Variants in TRIP11 observed in about 807,000 individuals in gnomAD.
TRIP11 encodes the protein thyroid hormone receptor interactor 11, also known as thyroid receptor-interacting protein 11.
Under a neutral mutation model 223.1 loss-of-function variants are expected in TRIP11, and 148 were observed. That is an observed-to-expected ratio of 0.66 (90% CI 0.58 to 0.76). The LOEUF (loss-of-function observed/expected upper bound fraction) is 0.76. Among genes scored for constraint, TRIP11 ranks in the 30% least tolerant of loss-of-function variants. TRIP11 has a pLI of 0.00. For synonymous variants in TRIP11, 762 were observed against 772.6 expected (o/e 0.99, Z 0.23); for missense variants, 2,043 against 2,222.0 (o/e 0.92, Z 1.62).
chr14:92,005,416 T>A lies in TRIP11; in HGVS notation c.2560A>T (p.Ser854Cys). ...TTTTCCTCTTTCATGGATCCAAGAC[T>A]TCGGTCTTTTTCCTCTATGGTCTGT... ...LRQTIEEKDR[S>C]LGSMKEENNH... Residue 854 changes from serine (S) to cysteine (C), a missense_variant, in exon 11 of 21, where the codon AGT (serine) becomes TGT (cysteine). Physicochemically the swap from Ser to Cys is moderately radical, Grantham distance 112. Coordinates refer to ENST00000267622, the MANE Select transcript of TRIP11 (RefSeq NM_004239.4). 1 of 1,614,124 alleles carries A rather than the reference T, an allele frequency of 6.2e-7. No homozygotes were observed. Among genetic ancestry groups the A allele is most frequent in the Non-Finnish European group, 8.5e-7 (1 of 1,180,034 alleles).
Position 92,005,087 on chromosome 14 carries a change from C to T in TRIP11, c.2889G>A (p.Glu963=), listed in dbSNP as rs1337962621. ...TTGTTTTTTGCAAACTCTTAATTTC[C>T]TCATCCTTCTCTAAAAAGAGCTGGG... ...THTQLFLEKD[E]EIKSLQKTIE... The change falls in exon 11 of 21, where the codon GAG becomes GAA. Residue 963 remains glutamate (E), a synonymous_variant. Coordinates refer to ENST00000267622, the MANE Select transcript of TRIP11 (RefSeq NM_004239.4). 1.9e-6 allele frequency: 3 copies of T among 1,613,668 alleles called. No individual in the cohort carries two copies. The highest frequency in any genetic ancestry group is 1.1e-5 in the South Asian group (1 of 91,084).
Position 91,968,503 on chromosome 14 carries a change from G to C in TRIP11, c.*1170C>G, listed in dbSNP as rs148265064. 1 of 217,090 alleles carries C rather than the reference G, an allele frequency of 4.6e-6. No homozygotes were observed. Among genetic ancestry groups the C allele is most frequent in the African/African-American group, 2.2e-5 (1 of 44,494 alleles). 13.4% of individuals were successfully genotyped at this position (217,090 alleles called of 1,614,324 possible). A position where few individuals can be genotyped will look rare whatever the true frequency, so the allele number is the denominator to read the frequency against. ...ATGTCAACACCGCAGACGGAGGCAG[G>C]AAGTGGCATGTTCAGTGATTTTGCT... On this transcript the variant is annotated 3_prime_UTR_variant, in exon 21 of 21. Transcript: ENST00000267622.
intron 2 of TRIP11, among the ~76,000 whole-genome samples, chr14:92,029,738 C>T (rs764702511): frequency 6.6e-6 from 1 of 152,086 alleles, no homozygotes; most frequent in Non-Finnish European, 1.5e-5. Context: ...GAGAAGAAAA[C>T]TGACAAAGGA....
chr14:91,999,153 G>A, intron 13 of TRIP11, 87 bp downstream of exon 13: 1 of 1,407,080 alleles, frequency 7.1e-7, no homozygotes, highest in South Asian at 1.2e-5. Context: ...ATTTTGCAAG[G>A]ATGAGCTAAC....
Position 91,969,644 on chromosome 14 carries a change from T to C in TRIP11, c.*29A>G. ...TATAGTGTTCATGGTTTCTTTAAAGTGCTAGATTGTCTCTGGCTTGAGAAT... is the reference window on the plus strand; with the variant it reads ...TATAGTGTTCATGGTTTCTTTAAAGCGCTAGATTGTCTCTGGCTTGAGAAT... On this transcript the variant is annotated 3_prime_UTR_variant, in exon 21 of 21. Transcript: ENST00000267622. The C allele has an allele frequency of 6.2e-7, 1 of 1,606,184 alleles. No homozygotes were observed. Among genetic ancestry groups the C allele is most frequent in the South Asian group, 1.1e-5 (1 of 90,876 alleles).
At position 91,969,835 on chromosome 14, in the gene TRIP11, G is replaced by A; in HGVS notation, c.5778C>T (p.Arg1926=). The change falls in exon 21 of 21, where the codon CGC becomes CGT. Residue 1926 remains arginine (R), a synonymous_variant. Coordinates refer to ENST00000267622, the MANE Select transcript of TRIP11 (RefSeq NM_004239.4). The part of the protein sequence containing the change: ...RTDVNPFLAP[R]SAAVPLINPA... ...GGTTAATAAGAGGTACAGCTGCCGA[G>A]CGAGGAGCCAAAAACGGATTTACAT... 2 of 1,614,204 alleles carry A rather than the reference G, an allele frequency of 1.2e-6. No homozygotes were observed. Among genetic ancestry groups the A allele is most frequent in the Non-Finnish European group, 1.7e-6 (2 of 1,180,034 alleles).
rs780787325 is a variant in TRIP11, at chr14:92,025,382, C to G, written c.240G>C (p.Glu80Asp). The G allele has an allele frequency of 6.2e-7, 1 of 1,613,212 alleles. No individual in the cohort carries two copies. Among genetic ancestry groups the G allele is most frequent in the Non-Finnish European group, 8.5e-7 (1 of 1,179,894 alleles). Residue 80 changes from glutamate (E) to aspartate (D), a missense_variant, in exon 3 of 21, where the codon GAG becomes GAC. Coordinates refer to ENST00000267622, the MANE Select transcript of TRIP11 (RefSeq NM_004239.4). ...RLKKLCTDLE[E>D]KHEASEIQIK... is the part of the protein sequence containing the mutation. Reference sequence around the variant, plus strand: ...TTTGAATCTCTGATGCTTCATGTTTCTCTTCTAGATCAGTACAAAGTTTCT... The same window carrying G: ...TTTGAATCTCTGATGCTTCATGTTTGTCTTCTAGATCAGTACAAAGTTTCT...
At chr14:91,988,484 G>A in intron 15 of TRIP11, 101 bp from the exon 16 acceptor site, 3 of 1,008,996 alleles carry the variant, frequency 3.0e-6, no homozygotes, top group Non-Finnish European at 4.6e-6. Context: ...TTCAGCTGGT[G>A]AAGCTGCACC....
At chr14:92,016,028 C>T (rs529690813) in intron 5 of TRIP11, among the ~76,000 whole-genome samples, 167 bp from the exon 6 acceptor site, 17 of 152,338 alleles carry the variant, frequency 1.1e-4, no homozygotes, top group African/African-American at 3.1e-4. Context: ...TTCTGAACAA[C>T]TTCACCCTTT....
rs1404539160 is a variant in TRIP11 at position 91,975,455 on chromosome 14, C to CA, written c.5343-170dup. ...AAAAATCTTGACAAGTCTAATATTT[C>CA]AAAAAAAATAAAATAAAAAAGAATA... On this transcript the variant is annotated intron_variant, in intron 17 of 20. Coordinates refer to ENST00000267622, the MANE Select transcript of TRIP11 (RefSeq NM_004239.4). Among the ~76,000 whole-genome samples the CA allele has an allele frequency of 4.0e-5, 6 of 151,490 alleles. No homozygotes were observed. The East Asian group carries it at 5.8e-4, about 15-fold the overall frequency.
rs916457479 is a variant in TRIP11 at position 92,006,141 on chromosome 14, T to C, written c.1835A>G (p.His612Arg). 6.2e-6 allele frequency: 10 copies of C among 1,612,572 alleles called. No individual in the cohort carries two copies. The African/African-American group carries it at 1.2e-4, about 19-fold the overall frequency. ...AAGCTCCTCCTCATTTTGTCTAATA[T>C]GCTCCTTAAGTTCTAAATTCTCCTT... is the stretch of plus-strand genomic sequence containing the variant. ...IQKENLELKE[H>R]IRQNEEELSR... The change falls in exon 11 of 21, where the codon CAT (histidine) becomes CGT (arginine). Residue 612 changes from histidine to arginine, a missense_variant. His to Arg is a conservative substitution (Grantham distance 29). Coordinates refer to ENST00000267622, the MANE Select transcript of TRIP11 (RefSeq NM_004239.4).
At position 92,039,681 on chromosome 14, in the gene TRIP11, G is replaced by A; in HGVS notation, c.5C>T (p.Ser2Leu). The change falls in exon 1 of 21, where the codon TCG (serine) becomes TTG (leucine). Residue 2 changes from serine (S) to leucine (L), a missense_variant. Coordinates refer to ENST00000267622, the MANE Select transcript of TRIP11 (RefSeq NM_004239.4). ...GGAGCCGAGGCCCCCAAGCCAGGAC[G>A]ACATCGCGGCGAGTTTAGAGAACGA... MSSWLGGLGSGL... is the reference protein window; with the variant it reads MLSWLGGLGSGL... 1 of 1,612,008 alleles carries A rather than the reference G, an allele frequency of 6.2e-7. No homozygotes were observed. Among genetic ancestry groups the A allele is most frequent in the Non-Finnish European group, 8.5e-7 (1 of 1,179,138 alleles).
Position 91,969,819 on chromosome 14 carries a change from G to A in TRIP11, c.5794C>T (p.Leu1932Phe). ...FLAPRSAAVP[L>F]INPAGLGPGG... ...GGTCCAAGTCCAGCTGGGTTAATAA[G>A]AGGTACAGCTGCCGAGCGAGGAGCC... Residue 1932 changes from leucine to phenylalanine, a missense_variant, in exon 21 of 21, where the codon CTT becomes TTT. By Grantham distance (22) the Leu-to-Phe change is conservative. Coordinates refer to ENST00000267622, the MANE Select transcript of TRIP11 (RefSeq NM_004239.4). 6.2e-7 allele frequency: 1 copy of A among 1,614,210 alleles called. No homozygotes were observed. The highest frequency in any genetic ancestry group is 1.7e-5 in the Admixed American group (1 of 60,032).
intron 2 of TRIP11, among the ~76,000 whole-genome samples, chr14:92,025,878 CAA>C (rs372915026): frequency 9.5e-5 from 7 of 74,034 alleles, no homozygotes; most frequent in Middle Eastern, 7.7e-3. Context: ...GACTCCGTCT[CAA>C]AAAAAAAAAA....
In TRIP11 at chr14:92,006,130, T is replaced by G. The variant is rs942029482; in HGVS notation, c.1846A>C (p.Asn616His). 1 of 1,610,040 alleles carries G rather than the reference T, an allele frequency of 6.2e-7. No homozygotes were observed. Among genetic ancestry groups the G allele is most frequent in the Non-Finnish European group, 8.5e-7 (1 of 1,178,932 alleles). The stretch of plus-strand genomic sequence containing the variant: ...CTTATTCTAGAAAGCTCCTCCTCAT[T>G]TTGTCTAATATGCTCCTTAAGTTCT... Reference protein sequence around the residue: ...NLELKEHIRQNEEELSRIRNE... With the variant: ...NLELKEHIRQHEEELSRIRNE... The change falls in exon 11 of 21, where the codon AAT (asparagine) becomes CAT (histidine). Residue 616 changes from asparagine (N) to histidine (H), a missense_variant. Physicochemically the swap from Asn to His is moderately conservative, Grantham distance 68. Transcript: ENST00000267622.
intron 6 of TRIP11, among the ~76,000 whole-genome samples, chr14:92,014,886 A>G (rs200426065): frequency 1.3e-5 from 2 of 151,264 alleles, no homozygotes; most frequent in East Asian, 3.9e-4. Flanking sequence ...GGTAAAAAGG[A>G]CATTTCCATT....
At chr14:92,015,115 G>C (rs2057020063) in intron 6 of TRIP11, among the ~76,000 whole-genome samples, 1 of 151,920 alleles carries the variant, frequency 6.6e-6, no homozygotes. Flanking sequence ...TGTTGGCCAG[G>C]CTGGTCTCAA....
At position 91,969,152 on chromosome 14, in the gene TRIP11, AG is replaced by A; in HGVS notation, c.*520del. ...CAGGACCAAATACATACTTCACCTC[AG>A]GGAACCTATGACCTTCCAGCAACAA... On this transcript the variant is annotated 3_prime_UTR_variant, in exon 21 of 21. Transcript: ENST00000267622. 1 of 244,912 alleles carries A rather than the reference AG, an allele frequency of 4.1e-6. No individual in the cohort carries two copies. The highest frequency in any genetic ancestry group is 8.0e-6 in the Non-Finnish European group (1 of 124,656). The allele number at this position is 244,912 out of a possible 1,614,324, so 15.2% of individuals were successfully genotyped here.
Position 92,006,216 on chromosome 14 carries a change from T to C in TRIP11, c.1760A>G (p.Asn587Ser). Residue 587 changes from asparagine (N) to serine (S), a missense_variant, in exon 11 of 21, where the codon AAT becomes AGT. By Grantham distance (46) the Asn-to-Ser change is conservative. Coordinates refer to ENST00000267622, the MANE Select transcript of TRIP11 (RefSeq NM_004239.4). ...TKQKLEDKVE[N>S]LVDQLNKSQE... is the part of the protein sequence containing the mutation. ...TGATTTATTTAGCTGATCTACTAAA[T>C]TTTCTACTTTGTCCTCAAGTTTCTG... 1.2e-6 allele frequency: 2 copies of C among 1,613,344 alleles called. No individual in the cohort carries two copies.
Sources: gnomAD v4.1 joint callset for allele counts (sites outside exome capture counted in the v4.1 genomes callset) on GRCh38, gnomAD v4.1.1 for gene constraint, MANE v1.5 for transcripts, NCBI Gene and HGNC (gene_info 2026-07-23, HGNC 2026-07-21) for gene names.